The following ASTN2 variants were observed in gnomAD, a reference collection of about 807,000 sequenced individuals.
ASTN2 encodes astrotactin-2.
A neutral mutation model predicts 139.8 loss-of-function variants in ASTN2; 54 were observed. The observed-to-expected ratio is 0.39, with a 90% CI of 0.31 to 0.48. ASTN2 has a LOEUF of 0.48. Ranked by LOEUF, ASTN2 falls within the 20% of genes least tolerant of loss-of-function variation. The pLI is 0.95. For synonymous variants in ASTN2, 756 were observed against 719.5 expected, an observed-to-expected ratio of 1.05 and a Z score of -0.81; for missense variants, 1,565 against 1,725.1, an observed-to-expected ratio of 0.91 and a Z score of 1.64.
intron 1 of ASTN2, among the ~76,000 whole-genome samples, chr9:117,320,129 T>C (rs1445849955): frequency 6.6e-6 from 1 of 152,240 alleles, no homozygotes; most frequent in South Asian, 2.1e-4. Flanking sequence ...ATCTTAGAGA[T>C]TATTATTATT....
intron 11 of ASTN2, among the ~76,000 whole-genome samples, chr9:116,840,203 C>T (rs368244247): frequency 6.8e-6 from 1 of 147,994 alleles, no homozygotes; most frequent in Non-Finnish European, 1.5e-5. Flanking sequence ...GTAAGGTCAC[C>T]GATCAACAGG....
intron 17 of ASTN2, among the ~76,000 whole-genome samples, chr9:116,624,850 A>G (rs1036194700): frequency 6.6e-6 from 1 of 152,016 alleles, no homozygotes; most frequent in African/African-American, 2.4e-5. Context: ...AAGCGGGAAA[A>G]GGCTTTCTAG....
intron 2 of ASTN2, among the ~76,000 whole-genome samples, chr9:117,228,951 C>T (rs984563094): frequency 6.6e-6 from 1 of 152,032 alleles, no homozygotes; most frequent in Non-Finnish European, 1.5e-5. Context: ...TTAAAGTGAG[C>T]TGAGATGGTG....
chr9:116,844,693 T>G (rs1235734182), intron 11 of ASTN2, among the ~76,000 whole-genome samples: 2 of 152,208 alleles, frequency 1.3e-5, no homozygotes, highest in Non-Finnish European at 2.9e-5. Context: ...GTTGCTATTA[T>G]GATTATTATC....
At chr9:116,951,122 G>A (rs1279682047) in intron 10 of ASTN2, among the ~76,000 whole-genome samples, 1 of 152,066 alleles carries the variant, frequency 6.6e-6, no homozygotes, top group African/African-American at 2.4e-5. Flanking sequence ...TGGATCACCT[G>A]AGGTCTGGAG....
intron 1 of ASTN2, among the ~76,000 whole-genome samples, chr9:117,377,575 A>T (rs1467685530): frequency 6.6e-6 from 1 of 152,082 alleles, no homozygotes; most frequent in Non-Finnish European, 1.5e-5. Context: ...GAAAATTAAA[A>T]AGTCCATATT....
chr9:117,375,287 C>A (rs1197828623), intron 1 of ASTN2, among the ~76,000 whole-genome samples: 1 of 152,142 alleles, frequency 6.6e-6, no homozygotes, highest in Non-Finnish European at 1.5e-5. Flanking sequence ...TCATCCTTCA[C>A]AAAAGTTCAA....
rs544013216 is a variant in ASTN2, at chr9:116,575,709, T to G, written c.3355+42615A>C. Among the ~76,000 whole-genome samples, 3 of 152,196 alleles carry G rather than the reference T, an allele frequency of 2.0e-5. No individual in the cohort carries two copies. In the South Asian group the frequency reaches 6.2e-4, roughly 32 times the overall value. On this transcript the variant is annotated intron_variant, in intron 19 of 22. Coordinates refer to ENST00000313400, the MANE Select transcript of ASTN2 (RefSeq NM_001365068.1). The stretch of plus-strand genomic sequence containing the variant: ...TTCAGGGGGTGCTGACTACTGCAGA[T>G]AGTCCCAAAAGCAAGTTCCTTAATC...
chr9:116,448,670 G>T (rs1304292016), intron 20 of ASTN2, among the ~76,000 whole-genome samples: 2 of 152,168 alleles, frequency 1.3e-5, no homozygotes, highest in African/African-American at 4.8e-5. Context: ...TTCTACCATT[G>T]AGCCTCAGTT....
chr9:116,576,188 A>G lies in ASTN2; in HGVS notation c.3355+42136T>C, dbSNP rs536071805. 3.9e-4 allele frequency among the ~76,000 whole-genome samples: 59 copies of G among 152,190 alleles called. 2 individuals carry two copies. The highest frequency in any genetic ancestry group is 3.9e-3 in the Admixed American group (59 of 15,286). On this transcript the variant is annotated intron_variant, in intron 19 of 22. Coordinates refer to ENST00000313400, the MANE Select transcript of ASTN2 (RefSeq NM_001365068.1). ...GGCCAGATGCAGCTGTGGACAATGA[A>G]AAGAGGAAGGAGGACTGATCAGTCC...
chr9:117,118,576 G>A (rs1449954644), intron 4 of ASTN2, among the ~76,000 whole-genome samples: 1 of 152,114 alleles, frequency 6.6e-6, no homozygotes. Flanking sequence ...AAGTTAGAGA[G>A]GTCAGATTAT....
chr9:116,478,679 T>C (rs1282289007), intron 20 of ASTN2, among the ~76,000 whole-genome samples: 1 of 152,140 alleles, frequency 6.6e-6, no homozygotes, highest in African/African-American at 2.4e-5. Context: ...GTCTGTCTTC[T>C]TGCCCCCATC....
chr9:117,278,106 C>G (rs899775491), intron 2 of ASTN2, among the ~76,000 whole-genome samples: 2 of 152,204 alleles, frequency 1.3e-5, no homozygotes, highest in African/African-American at 4.8e-5. Context: ...ATGCCCAGCT[C>G]CTCCAAGTGA....
intron 10 of ASTN2, among the ~76,000 whole-genome samples, chr9:116,877,493 T>TAA (rs1833333987): frequency 1.3e-5 from 2 of 152,236 alleles, no homozygotes; most frequent in African/African-American, 4.8e-5. Flanking sequence ...CCTATGCCCC[T>TAA]ATCTATACCT....
intron 1 of ASTN2, among the ~76,000 whole-genome samples, chr9:117,292,393 AG>A (rs1834615913): frequency 6.6e-6 from 1 of 152,214 alleles, no homozygotes; most frequent in Non-Finnish European, 1.5e-5. Context: ...TGTCATTGCA[AG>A]GGGATTGTAC....
chr9:117,063,794 G>C (rs1013531704), intron 5 of ASTN2, among the ~76,000 whole-genome samples: 3 of 152,072 alleles, frequency 2.0e-5, no homozygotes, highest in Non-Finnish European at 4.4e-5. Flanking sequence ...TAAATTGCTA[G>C]CAAGCCAGTG....
intron 13 of ASTN2, among the ~76,000 whole-genome samples, chr9:116,766,199 A>G (rs10759855): frequency 9.9e-5 from 15 of 151,762 alleles, no homozygotes; most frequent in South Asian, 2.1e-4. Context: ...GACAACCCCC[A>G]CTGGGCCAAA....
chr9:117,009,581 T>C (rs1303044766), intron 6 of ASTN2, among the ~76,000 whole-genome samples: 5 of 151,860 alleles, frequency 3.3e-5, no homozygotes, highest in Non-Finnish European at 5.9e-5. Flanking sequence ...GGAGCGTGAG[T>C]CTAGACTGAT....
chr9:117,368,527 T>A (rs1829906586), intron 1 of ASTN2, among the ~76,000 whole-genome samples: 1 of 152,192 alleles, frequency 6.6e-6, no homozygotes, highest in Non-Finnish European at 1.5e-5. Context: ...TCCATCTCCC[T>A]TCTTAATTTT....
Sources: allele counts gnomAD v4.1 joint callset (sites outside exome capture counted in the v4.1 genomes callset), GRCh38; gene constraint gnomAD v4.1.1; transcripts MANE v1.5; gene names NCBI Gene and HGNC (gene_info 2026-07-23, HGNC 2026-07-21).